Variants in UBE2D3 observed in about 807,000 individuals in gnomAD.
UBE2D3 encodes the protein ubiquitin conjugating enzyme E2 D3.
Under a neutral mutation model 22.8 loss-of-function variants are expected in UBE2D3, and 2 were observed. That is an observed-to-expected ratio of 0.09 (90% CI 0.04 to 0.28). The LOEUF (loss-of-function observed/expected upper bound fraction) is 0.28, where lower values mean the gene tolerates loss of function less well. Ranked by LOEUF, UBE2D3 falls within the 10% of genes least tolerant of loss-of-function variation. The pLI, the probability that UBE2D3 is intolerant of heterozygous loss-of-function variation, is 1.00. For missense variants in UBE2D3, 27 were observed against 182.5 expected, an observed-to-expected ratio of 0.15 and a Z score of 4.91; for synonymous variants, 56 against 60.4, an observed-to-expected ratio of 0.93 and a Z score of 0.34.
rs1230667268 is a variant in UBE2D3 at position 102,796,668 on chromosome 4, C to T, written c.*747G>A. ...TAGTTGATCACTCATCCATTGACAA[C>T]TTGCATCATTTATTCAGTGCTATAT... On this transcript the variant is annotated 3_prime_UTR_variant, in exon 8 of 8. Transcript: ENST00000453744. 1 of 152,400 alleles carries T rather than the reference C, an allele frequency of 6.6e-6. No individual in the cohort carries two copies. The highest frequency in any genetic ancestry group is 2.4e-5 in the African/African-American group (1 of 41,434). The allele number at this position is 152,400 out of a possible 1,614,324, so 9.4% of individuals were successfully genotyped here.
chr4:102,834,060 A>C (rs1171017451), intron 1 of UBE2D3, among the ~76,000 whole-genome samples: 1 of 152,178 alleles, frequency 6.6e-6, no homozygotes, highest in East Asian at 1.9e-4. Flanking sequence ...GACTTCTTGA[A>C]TGTCACTGTA....
chr4:102,868,069 A>ATTTTTTTTTTTTTTT (rs1347875621), intron 1 of UBE2D3, among the ~76,000 whole-genome samples: 2 of 92,290 alleles, frequency 2.2e-5, no homozygotes, highest in Admixed American at 1.1e-4. Flanking sequence ...AAGGCTTTAG[A>ATTTTTTTTTTTTTTT]TTCTTTTTTT....
At chr4:102,807,380 T>C (rs187511204) in intron 4 of UBE2D3, among the ~76,000 whole-genome samples, 1 of 152,360 alleles carries the variant, frequency 6.6e-6, no homozygotes, top group Admixed American at 6.5e-5. Context: ...AGCTGGCATC[T>C]AAATTATGTG....
chr4:102,865,491 CA>C (rs10604973), intron 1 of UBE2D3, among the ~76,000 whole-genome samples: 1,122 of 66,716 alleles, frequency 0.017, 42 homozygotes, highest in Admixed American at 0.13. Context: ...CTGTCTCAAC[CA>C]AAAAAAAAAA....
chr4:102,825,773 C>T, intron 2 of UBE2D3: 1 of 464,810 alleles, frequency 2.2e-6, no homozygotes, highest in South Asian at 1.5e-5. Flanking sequence ...CACTCTCCAG[C>T]CAAAAGGAAA....
At chr4:102,797,628 G>A (rs1725408395) in intron 7 of UBE2D3, among the ~76,000 whole-genome samples, 168 bp from the exon 8 acceptor site, 1 of 151,902 alleles carries the variant, frequency 6.6e-6, no homozygotes, top group Admixed American at 6.6e-5. Flanking sequence ...GGTACTCAAA[G>A]CAATGTGGGA....
upstream of UBE2D3, among the ~76,000 whole-genome samples, chr4:102,830,468 C>G (rs897769642): frequency 6.6e-6 from 1 of 152,110 alleles, no homozygotes; most frequent in Non-Finnish European, 1.5e-5. Flanking sequence ...AAAATAATCC[C>G]TTCCTTAATA....
chr4:102,846,262 C>T (rs187163685), intron 1 of UBE2D3, among the ~76,000 whole-genome samples: 4 of 152,336 alleles, frequency 2.6e-5, no homozygotes, highest in East Asian at 3.9e-4. Context: ...ATCATCATTG[C>T]ATTCCTTAAT....
intron 4 of UBE2D3, among the ~76,000 whole-genome samples, chr4:102,808,746 C>T (rs1727474673): frequency 6.6e-6 from 1 of 152,048 alleles, no homozygotes; most frequent in South Asian, 2.1e-4. Context: ...AATTTGTATC[C>T]TTATTACCTG....
chr4:102,824,480 T>A (rs1294047891), intron 2 of UBE2D3, among the ~76,000 whole-genome samples: 1 of 152,252 alleles, frequency 6.6e-6, no homozygotes, highest in African/African-American at 2.4e-5. Context: ...TGGTACATAT[T>A]AGGCACACAG....
chr4:102,806,720 T>C (rs1000865786), intron 4 of UBE2D3, among the ~76,000 whole-genome samples: 2 of 152,108 alleles, frequency 1.3e-5, no homozygotes, highest in Admixed American at 6.6e-5. Context: ...TTTTTCTGGA[T>C]TTCCAATAAA....
chr4:102,814,462 T>C (rs1371970877), intron 2 of UBE2D3, among the ~76,000 whole-genome samples: 2 of 148,348 alleles, frequency 1.3e-5, no homozygotes, highest in Admixed American at 6.7e-5. Context: ...CTATTCTTTT[T>C]TTTTTTTTTT....
At chr4:102,860,110 G>T (rs550502223) in intron 1 of UBE2D3, among the ~76,000 whole-genome samples, 2 of 152,222 alleles carry the variant, frequency 1.3e-5, no homozygotes, top group South Asian at 4.1e-4. Context: ...GCCTCCCAAA[G>T]CACTGGGATT....
chr4:102,863,216 A>G (rs1013928745), intron 1 of UBE2D3, among the ~76,000 whole-genome samples: 1 of 151,778 alleles, frequency 6.6e-6, no homozygotes, highest in African/African-American at 2.4e-5. Flanking sequence ...ACACCCAGCT[A>G]ATTTTTGTAT....
intron 2 of UBE2D3, among the ~76,000 whole-genome samples, chr4:102,819,268 T>TGCAGTAAGCC: frequency 6.6e-6 from 1 of 150,392 alleles, no homozygotes; most frequent in East Asian, 2.0e-4. Context: ...AGACGGTGGT[T>TGCAGTAAGCC]GCAGTAAGCC....
intron 1 of UBE2D3, among the ~76,000 whole-genome samples, chr4:102,857,867 TG>T (rs1351595423): frequency 4.6e-5 from 7 of 151,930 alleles, no homozygotes; most frequent in Non-Finnish European, 8.8e-5. Context: ...CTAATTTTTT[TG>T]TATTTAGTAG....
intron 2 of UBE2D3, among the ~76,000 whole-genome samples, chr4:102,822,438 A>G (rs889764679): frequency 6.6e-6 from 1 of 152,186 alleles, no homozygotes; most frequent in African/African-American, 2.4e-5. Context: ...TAACTGGCAC[A>G]TGTTAGTTTT....
Position 102,826,631 on chromosome 4 carries a change from A to G in UBE2D3, c.-123T>C. On this transcript the variant is annotated 5_prime_UTR_variant, in exon 2 of 8. Coordinates refer to ENST00000453744, the MANE Select transcript of UBE2D3 (RefSeq NM_181891.3). ...GTCTCACACCAGCTCTGCCAGACAC[A>G]GGCGCCTTTTGCAAAAACGGAGCAG... The G allele has an allele frequency of 2.5e-6, 4 of 1,577,642 alleles. No homozygotes were observed. Among genetic ancestry groups the G allele is most frequent in the Non-Finnish European group, 3.4e-6 (4 of 1,170,240 alleles).
intron 2 of UBE2D3, among the ~76,000 whole-genome samples, chr4:102,824,359 G>A (rs1384434576): frequency 1.3e-5 from 2 of 152,162 alleles, no homozygotes; most frequent in African/African-American, 2.4e-5. Context: ...AGTGTCATGT[G>A]CCAAGAGCCT....
Sources: gnomAD v4.1 joint callset for allele counts (sites outside exome capture counted in the v4.1 genomes callset) on GRCh38, gnomAD v4.1.1 for gene constraint, MANE v1.5 for transcripts, NCBI Gene and HGNC (gene_info 2026-07-23, HGNC 2026-07-21) for gene names.